Variants in POLE observed in about 807,000 individuals in gnomAD.
POLE encodes the protein DNA polymerase epsilon catalytic subunit A.
A neutral mutation model predicts 279.2 loss-of-function variants in POLE; 188 were observed. That is an observed-to-expected ratio of 0.67 (90% confidence interval 0.60 to 0.76). The LOEUF is 0.76. Ranked by LOEUF, POLE falls within the 30% of genes least tolerant of loss-of-function variation. The pLI is 0.00. For missense variants in POLE, 2,703 were observed against 3,016.7 expected (o/e 0.90, Z 2.44); for synonymous variants, 1,214 against 1,172.5 (o/e 1.04, Z -0.72).
intron 45 of POLE, among the ~76,000 whole-genome samples, chr12:132,631,030 A>G (rs2041924201): frequency 6.6e-6 from 1 of 152,224 alleles, no homozygotes; most frequent in Admixed American, 6.5e-5. Flanking sequence ...TTTGTTATTA[A>G]TCACCCCAAA....
At position 132,661,505 on chromosome 12, in the gene POLE, A is replaced by T. The variant is rs2135947918; in HGVS notation, c.2864+22T>A. The T allele has an allele frequency of 6.2e-7, 1 of 1,612,796 alleles. No homozygotes were observed. The highest frequency in any genetic ancestry group is 8.5e-7 in the Non-Finnish European group (1 of 1,179,188). On this transcript the variant is annotated intron_variant, in intron 24 of 48. Coordinates refer to ENST00000320574, the MANE Select transcript of POLE (RefSeq NM_006231.4). This position sits in a 1 kb window ranked among gnomAD's most constrained non-coding sequence, Gnocchi z 4.1. ...TCTCAATCCATGTCCTTTCTAAAGC[A>T]CAAAAGCTATGAGAGTCCCACCTCT...
Position 132,675,441 on chromosome 12 carries a change from C to G in POLE, c.1183G>C (p.Gly395Arg), listed in dbSNP as rs1475049831. 1 of 1,614,198 alleles carries G rather than the reference C, an allele frequency of 6.2e-7. No homozygotes were observed. Among genetic ancestry groups the G allele is most frequent in the South Asian group, 1.1e-5 (1 of 91,084 alleles). Reference protein sequence around the residue: ...QEIGFQKDSQGEYKAPQCIHM... With the variant: ...QEIGFQKDSQREYKAPQCIHM... ...ATGCACTGGGGCGCCTTGTACTCCCCCTGGCTGTCCTTCTGGAAGCCTATC... is the reference window on the plus strand; with the variant it reads ...ATGCACTGGGGCGCCTTGTACTCCCGCTGGCTGTCCTTCTGGAAGCCTATC... The change falls in exon 12 of 49, where the codon GGG (glycine) becomes CGG (arginine). Residue 395 changes from glycine to arginine, a missense_variant. Gly to Arg is a moderately radical substitution (Grantham distance 125). This residue lies in a region of POLE where 1,011 missense variants were observed against 1,111.7 expected (regional missense o/e 0.91). Transcript: ENST00000320574. This position sits in a 1 kb window ranked among gnomAD's most constrained non-coding sequence, Gnocchi z 4.3.
At chr12:132,685,757 T>C (rs1426238329) in intron 1 of POLE, among the ~76,000 whole-genome samples, 4 of 152,222 alleles carry the variant, frequency 2.6e-5, no homozygotes, top group African/African-American at 9.6e-5. Flanking sequence ...TTGCCTGATA[T>C]GGACAGACAG....
rs1060500802 is a variant in POLE at position 132,642,723 on chromosome 12, G to C, written c.4735C>G (p.Arg1579Gly). ...QRFLLAYKEE[R>G]RGPTLIAVQS... is the part of the protein sequence containing the mutation. The stretch of plus-strand genomic sequence containing the variant: ...ACAGCGATGAGTGTGGGCCCCCGGC[G>C]CTCCTCCTGGGTCAAGGCAAAATGG... Residue 1579 changes from arginine (R) to glycine (G), a missense_variant, in exon 37 of 49, where the codon CGC becomes GGC. Arg to Gly is a moderately radical substitution (Grantham distance 125). This residue lies in a region of POLE where 1,551 missense variants were observed against 1,686.1 expected (regional missense o/e 0.92). Coordinates refer to ENST00000320574, the MANE Select transcript of POLE (RefSeq NM_006231.4). 4.3e-6 allele frequency: 7 copies of C among 1,613,388 alleles called. No individual in the cohort carries two copies. Among genetic ancestry groups the C allele is most frequent in the Non-Finnish European group, 5.9e-6 (7 of 1,179,646 alleles).
intron 1 of POLE, among the ~76,000 whole-genome samples, chr12:132,682,290 G>GAAAAA (rs1364461054): frequency 1.0e-5 from 1 of 96,820 alleles, no homozygotes; most frequent in African/African-American, 3.7e-5. Context: ...CGAGACTCCG[G>GAAAAA]CAAAAAAAAA....
chr12:132,641,873 T>TCAGCCAGCATC (rs1254787757), intron 38 of POLE, 22 bp from the exon 39 acceptor site: 1 of 1,596,328 alleles, frequency 6.3e-7, no homozygotes, highest in Non-Finnish European at 8.5e-7. Context: ...GACGCCATGC[T>TCAGCCAGCATC]CAGCCAGCAT....
At chr12:132,680,538 C>T in intron 3 of POLE, 69 bp downstream of exon 3, 9 of 1,266,644 alleles carry the variant, frequency 7.1e-6, no homozygotes, top group South Asian at 1.2e-5. Context: ...CCATGCCCTC[C>T]CTGACAGTCA....
chr12:132,643,164 G>T, intron 35 of POLE, 60 bp downstream of exon 35: 1 of 1,555,926 alleles, frequency 6.4e-7, no homozygotes. Context: ...CCTGGGAGAT[G>T]TCCTCCTTCC....
At position 132,626,139 on chromosome 12, in the gene POLE, C is replaced by T. The variant is rs2138430505; in HGVS notation, c.6509G>A (p.Cys2170Tyr). 6.2e-7 allele frequency: 1 copy of T among 1,605,584 alleles called. No individual in the cohort carries two copies. Among genetic ancestry groups the T allele is most frequent in the Non-Finnish European group, 8.5e-7 (1 of 1,176,114 alleles). Residue 2170 changes from cysteine (C) to tyrosine (Y), a missense_variant, in exon 46 of 49, where the codon TGT (cysteine) becomes TAT (tyrosine). Cys to Tyr is a radical substitution (Grantham distance 194). This residue lies in a region of POLE where 1,551 missense variants were observed against 1,686.1 expected (regional missense o/e 0.92). Coordinates refer to ENST00000320574, the MANE Select transcript of POLE (RefSeq NM_006231.4). ...CACCTCTGAGAAGGAAGAGTCTTTA[C>T]ACAGGTCCAGGTCGCGGCAGAAGTT... ...SCNFCRDLDL[C>Y]KDSSFSEDGA...
intron 23 of POLE, among the ~76,000 whole-genome samples, chr12:132,663,172 T>C (rs953581625): frequency 1.3e-5 from 2 of 152,172 alleles, no homozygotes; most frequent in African/African-American, 4.8e-5. Flanking sequence ...ATGGCTCTAA[T>C]ACAGGTCCAG....
In POLE at chr12:132,627,696, C is replaced by T. The variant is rs76538739; in HGVS notation, c.6331-1379G>A. Among the ~76,000 whole-genome samples, 1,315 of 152,298 alleles carry T rather than the reference C, an allele frequency of 8.6e-3. 14 individuals carry two copies. Among genetic ancestry groups the T allele is most frequent in the Non-Finnish European group, 0.015 (1,020 of 68,014 alleles). ...ACCTTAATTTTAAAATGTTTTATTG[C>T]TCAGAAATATTAACGATCATCTGAG... On this transcript the variant is annotated intron_variant, in intron 45 of 48. Coordinates refer to ENST00000320574, the MANE Select transcript of POLE (RefSeq NM_006231.4).
chr12:132,624,933 C>T lies in POLE; in HGVS notation c.6719G>A (p.Gly2240Glu). 3 of 1,614,112 alleles carry T rather than the reference C, an allele frequency of 1.9e-6. No homozygotes were observed. The highest frequency in any genetic ancestry group is 2.5e-6 in the Non-Finnish European group (3 of 1,179,988). Residue 2240 changes from glycine to glutamate, a missense_variant, in exon 48 of 49, where the codon GGA becomes GAA. Coordinates refer to ENST00000320574, the MANE Select transcript of POLE (RefSeq NM_006231.4). The stretch of plus-strand genomic sequence containing the variant: ...GGTGTGGATGGTGAGGGCGAAGTCT[C>T]CCGCGCAGCTGCAGTACACAGGCAT... Reference protein sequence around the residue: ...TSMPVYCSCAGDFALTIHTQV... With the variant: ...TSMPVYCSCAEDFALTIHTQV...
intron 21 of POLE, 108 bp downstream of exon 21, chr12:132,665,194 G>T: frequency 1.7e-6 from 2 of 1,166,958 alleles, no homozygotes; most frequent in Non-Finnish European, 2.5e-6. Context: ...AACATTCCTT[G>T]AATCAGATGA....
At chr12:132,658,404 G>A (rs1254627923) in intron 26 of POLE, 1 of 172,654 alleles carries the variant, frequency 5.8e-6, no homozygotes, top group East Asian at 1.7e-4. Context: ...CTACGTTTCT[G>A]AGTAACCACG....
chr12:132,640,516 C>G (rs1320487535), intron 39 of POLE, among the ~76,000 whole-genome samples: 1 of 152,272 alleles, frequency 6.6e-6, no homozygotes, highest in Non-Finnish European at 1.5e-5. Context: ...ACAGGCCAGA[C>G]AGCTAGGCAT....
intron 19 of POLE, 106 bp from the exon 20 acceptor site, chr12:132,667,754 G>A: frequency 1.7e-6 from 2 of 1,195,312 alleles, no homozygotes; most frequent in Non-Finnish European, 2.4e-6. Flanking sequence ...CACCACAAAG[G>A]AGCAACAGCT....
intron 25 of POLE, 27 bp downstream of exon 25, chr12:132,660,942 A>T (rs929049064): frequency 6.5e-7 from 1 of 1,535,516 alleles, no homozygotes; most frequent in Non-Finnish European, 8.8e-7. Flanking sequence ...CCCTCAGAGC[A>T]GGTGAGGGTG....
intron 32 of POLE, among the ~76,000 whole-genome samples, chr12:132,647,161 C>T (rs989630044): frequency 6.6e-6 from 1 of 151,974 alleles, no homozygotes; most frequent in East Asian, 1.9e-4. Context: ...GTGTGTTGGG[C>T]GGGATTTGGC....
chr12:132,654,724 C>G (rs780588753), intron 29 of POLE, among the ~76,000 whole-genome samples: 26 of 152,062 alleles, frequency 1.7e-4, no homozygotes, highest in Non-Finnish European at 3.5e-4. Context: ...CCTGGGAGGT[C>G]AAGGCTGCAG....
Sources: gnomAD v4.1 joint callset for allele counts (sites outside exome capture counted in the v4.1 genomes callset) on GRCh38, gnomAD v4.1.1 for gene constraint, gnomAD v4.1.1 regional missense constraint, Gnocchi (gnomAD v3.1) non-coding constraint, MANE v1.5 for transcripts, NCBI Gene and HGNC (gene_info 2026-07-23, HGNC 2026-07-21) for gene names.